Variants in VWA8 observed in about 807,000 individuals in gnomAD.
VWA8 encodes von Willebrand factor A domain-containing protein 8.
A neutral mutation model predicts 241.5 loss-of-function variants in VWA8; 221 were observed. The ratio of observed to expected loss-of-function variants is 0.91; its 90% CI spans 0.82 to 1.02. The LOEUF is 1.02. VWA8 is among the 50% of genes least tolerant of loss of function. VWA8 has a pLI of 0.00. For missense variants in VWA8, 2,322 were observed against 2,328.7 expected (o/e 1.00, Z 0.06); for synonymous variants, 852 against 827.1 (o/e 1.03, Z -0.52).
chr13:41,588,514 G>T (rs541232011), intron 41 of VWA8, among the ~76,000 whole-genome samples: 1 of 152,074 alleles, frequency 6.6e-6, no homozygotes, highest in Non-Finnish European at 1.5e-5. Flanking sequence ...TGAGGCCAAG[G>T]GTTCAATACC....
In VWA8 at chr13:41,568,043, C is replaced by A; in HGVS notation, c.*154G>T. 1.6e-6 allele frequency: 1 copy of A among 631,186 alleles called. No individual in the cohort carries two copies. Among genetic ancestry groups the A allele is most frequent in the Non-Finnish European group, 2.7e-6 (1 of 365,634 alleles). The allele number at this position is 631,186 out of a possible 1,614,324, so 39.1% of individuals were successfully genotyped here. ...CTCCTTCTGGCTGCTTCTCTGAATT[C>A]TCATTACGGAGCAAGTGTAGGAAGA... On this transcript the variant is annotated 3_prime_UTR_variant, in exon 45 of 45. Transcript: ENST00000379310.
At chr13:41,803,123 G>A (rs1464632773) in intron 17 of VWA8, among the ~76,000 whole-genome samples, 1 of 152,238 alleles carries the variant, frequency 6.6e-6, no homozygotes, top group African/African-American at 2.4e-5. Flanking sequence ...GTTCCCTAAT[G>A]CAGGTATGGC....
At chr13:41,830,050 G>A (rs1340583687) in intron 14 of VWA8, among the ~76,000 whole-genome samples, 2 of 152,112 alleles carry the variant, frequency 1.3e-5, no homozygotes, top group Non-Finnish European at 2.9e-5. Context: ...AGACCATCCT[G>A]GCTAACAAGG....
intron 12 of VWA8, among the ~76,000 whole-genome samples, chr13:41,847,739 G>A (rs907638346): frequency 6.6e-6 from 1 of 152,172 alleles, no homozygotes; most frequent in Non-Finnish European, 1.5e-5. Flanking sequence ...ATATGCCAGG[G>A]TAAAGTGTCT....
intron 17 of VWA8, among the ~76,000 whole-genome samples, chr13:41,810,363 C>T (rs577197754): frequency 1.3e-5 from 2 of 151,970 alleles, no homozygotes; most frequent in Non-Finnish European, 2.9e-5. Flanking sequence ...AGCTAAGATT[C>T]GGAGGCAACC....
chr13:41,724,850 T>C (rs988176865), intron 24 of VWA8, among the ~76,000 whole-genome samples: 2 of 152,178 alleles, frequency 1.3e-5, no homozygotes, highest in Non-Finnish European at 2.9e-5. Context: ...AAGAAATTCA[T>C]GCAGCAGTGT....
chr13:41,569,645 ATTTTTTT>A (rs769186344), intron 44 of VWA8, among the ~76,000 whole-genome samples: 1 of 140,100 alleles, frequency 7.1e-6, no homozygotes. Flanking sequence ...TTAGGCAGGG[ATTTTTTT>A]TTTTTTTTTT....
In VWA8 at chr13:41,783,839, C is replaced by T. The variant is rs142058892; in HGVS notation, c.2233G>A (p.Glu745Lys). 18 of 1,613,524 alleles carry T rather than the reference C, an allele frequency of 1.1e-5. No homozygotes were observed. The highest frequency in any genetic ancestry group is 1.5e-5 in the Non-Finnish European group (18 of 1,179,904). Residue 745 changes from glutamate (E) to lysine (K), a missense_variant, in exon 19 of 45, where the codon GAG (glutamate) becomes AAG (lysine). Coordinates refer to ENST00000379310, the MANE Select transcript of VWA8 (RefSeq NM_015058.2). ...AVSAPIYNAHEKMKVPDVLFY... is the reference protein window; with the variant it reads ...AVSAPIYNAHKKMKVPDVLFY... ...AGAACATCAGGCACTTTCATTTTCT[C>T]ATGTGCATTATAGATCGGTGCACTA...
chr13:41,764,412 T>G (rs1008999216), intron 20 of VWA8, among the ~76,000 whole-genome samples: 2 of 152,248 alleles, frequency 1.3e-5, no homozygotes, highest in South Asian at 4.1e-4. Context: ...ACTGTACTAG[T>G]TGAGCTGGAT....
At chr13:41,830,452 G>A (rs1871397242) in intron 14 of VWA8, 77 bp downstream of exon 14, 3 of 1,205,364 alleles carry the variant, frequency 2.5e-6, no homozygotes, top group Non-Finnish European at 3.6e-6. Flanking sequence ...CATTATTCTA[G>A]GTTTAGAAAA....
At chr13:41,952,538 C>T (rs1878181298) in intron 1 of VWA8, among the ~76,000 whole-genome samples, 1 of 152,088 alleles carries the variant, frequency 6.6e-6, no homozygotes, top group East Asian at 1.9e-4. Flanking sequence ...AATGTTATTT[C>T]ACTTCCTGAA....
At chr13:41,636,730 C>A (rs1247078187) in intron 37 of VWA8, among the ~76,000 whole-genome samples, 1 of 152,082 alleles carries the variant, frequency 6.6e-6, no homozygotes, top group Non-Finnish European at 1.5e-5. Flanking sequence ...AAGAAAAAAA[C>A]AACCCCATCA....
chr13:41,766,802 C>A (rs1287740830), intron 20 of VWA8, among the ~76,000 whole-genome samples: 1 of 152,178 alleles, frequency 6.6e-6, no homozygotes, highest in African/African-American at 2.4e-5. Flanking sequence ...TGTGCCAGGT[C>A]CTTGGCAGGT....
At chr13:41,763,271 G>A (rs1223782078) in intron 20 of VWA8, among the ~76,000 whole-genome samples, 6 of 148,878 alleles carry the variant, frequency 4.0e-5, no homozygotes, top group Non-Finnish European at 8.9e-5. Flanking sequence ...CCTGGTGATG[G>A]AGCAAGACTC....
chr13:41,764,929 G>C (rs1453117265), intron 20 of VWA8, among the ~76,000 whole-genome samples: 3 of 152,032 alleles, frequency 2.0e-5, no homozygotes, highest in South Asian at 2.1e-4. Context: ...GTCTGGTAGA[G>C]AGCAGAAGAG....
At chr13:41,586,304 C>T (rs539378214) in intron 42 of VWA8, among the ~76,000 whole-genome samples, 1 of 152,268 alleles carries the variant, frequency 6.6e-6, no homozygotes, top group Admixed American at 6.5e-5. Context: ...AGCTTCCTGG[C>T]AACTAAAACC....
At chr13:41,850,001 T>C (rs183734420) in intron 12 of VWA8, among the ~76,000 whole-genome samples, 1 of 152,316 alleles carries the variant, frequency 6.6e-6, no homozygotes, top group Admixed American at 6.5e-5. Flanking sequence ...TGTCCTTATG[T>C]CTGGAGTTAC....
At chr13:41,689,260 A>ACCAGGGG (rs2045158724) in intron 34 of VWA8, 94 bp downstream of exon 34, 2 of 1,316,156 alleles carry the variant, frequency 1.5e-6, no homozygotes, top group African/African-American at 3.0e-5. Flanking sequence ...CCAGGAAATT[A>ACCAGGGG]TGTTTTTAAT....
At chr13:41,714,734 CA>C (rs1247260941) in intron 26 of VWA8, among the ~76,000 whole-genome samples, 1 of 151,788 alleles carries the variant, frequency 6.6e-6, no homozygotes, top group Non-Finnish European at 1.5e-5. Context: ...TCTGTTGTGC[CA>C]AAAGTCTCTA....
Sources: gnomAD v4.1 joint callset for allele counts (sites outside exome capture counted in the v4.1 genomes callset) on GRCh38, gnomAD v4.1.1 for gene constraint, MANE v1.5 for transcripts, NCBI Gene and HGNC (gene_info 2026-07-23, HGNC 2026-07-21) for gene names.